Variants in FSTL4 observed in about 807,000 individuals in gnomAD.
FSTL4 encodes the protein follistatin-related protein 4.
FSTL4 carries 28 observed loss-of-function variants against 78.2 expected under a neutral mutation model. The ratio of observed to expected loss-of-function variants is 0.36; its 90% CI spans 0.27 to 0.49. The LOEUF (loss-of-function observed/expected upper bound fraction) is 0.49. Among genes scored for constraint, FSTL4 ranks in the 20% least tolerant of loss-of-function variants. The pLI is 0.98. For missense variants in FSTL4, 922 were observed against 1,084.9 expected (o/e 0.85, Z 2.11); for synonymous variants, 422 against 440.5 (o/e 0.96, Z 0.53).
At chr5:133,322,299 ACACACC>A (rs1283864775) in intron 4 of FSTL4, among the ~76,000 whole-genome samples, 1 of 42,480 alleles carries the variant, frequency 2.4e-5, no homozygotes, top group Non-Finnish European at 7.1e-5. Flanking sequence ...ACACCCCCAC[ACACACC>A]CACACCCACA....
At chr5:133,413,798 A>G (rs11740920) in intron 3 of FSTL4, among the ~76,000 whole-genome samples, 27,415 of 151,994 alleles carry the variant, frequency 0.18, 2,519 homozygotes, top group Non-Finnish European at 0.21. Context: ...TTAACTCTTC[A>G]GCTATTTCTA....
At chr5:133,614,224 A>G (rs1291541282), upstream of FSTL4, among the ~76,000 whole-genome samples, 2 of 152,212 alleles carry the variant, frequency 1.3e-5, no homozygotes, top group Admixed American at 1.3e-4. Flanking sequence ...TGGCCTTATT[A>G]CATAATCAAA....
the FSTL4 span, among the ~76,000 whole-genome samples, chr5:133,804,779 C>T: frequency 6.6e-6 from 1 of 151,934 alleles, no homozygotes. Context: ...CCCATCTCTA[C>T]TAAAAATACA....
intron 4 of FSTL4, among the ~76,000 whole-genome samples, chr5:133,378,239 G>A (rs1263620155): frequency 6.6e-6 from 1 of 152,122 alleles, no homozygotes; most frequent in Admixed American, 6.5e-5. Context: ...ATAGCAGACA[G>A]TATAAATATA....
the FSTL4 span, among the ~76,000 whole-genome samples, chr5:133,784,419 C>T: frequency 4.3e-4 from 65 of 152,320 alleles, no homozygotes; most frequent in African/African-American, 1.5e-3. Flanking sequence ...ACACATGTCA[C>T]CATCCTGGGG....
the FSTL4 span, among the ~76,000 whole-genome samples, chr5:133,682,175 G>A: frequency 6.6e-6 from 1 of 152,332 alleles, no homozygotes; most frequent in Admixed American, 6.5e-5. Flanking sequence ...AAATGCAGCA[G>A]CTCAGACCCT....
intron 3 of FSTL4, among the ~76,000 whole-genome samples, chr5:133,565,739 C>T (rs149196964): frequency 1.3e-5 from 2 of 152,306 alleles, no homozygotes; most frequent in East Asian, 3.9e-4. Context: ...AAATACATGG[C>T]TCTTTTATAA....
chr5:133,779,992 G>A, the FSTL4 span, among the ~76,000 whole-genome samples: 6 of 152,202 alleles, frequency 3.9e-5, no homozygotes, highest in East Asian at 1.9e-4. Context: ...TACAGAGGGC[G>A]TCTGTGACCC....
At chr5:133,418,080 A>G (rs1488748954) in intron 3 of FSTL4, among the ~76,000 whole-genome samples, 1 of 151,662 alleles carries the variant, frequency 6.6e-6, no homozygotes, top group African/African-American at 2.4e-5. Flanking sequence ...AGAGTGTACC[A>G]AAAGGAAGCA....
the FSTL4 span, among the ~76,000 whole-genome samples, chr5:133,767,347 C>T: frequency 6.6e-6 from 1 of 152,254 alleles, no homozygotes; most frequent in South Asian, 2.1e-4. Flanking sequence ...CACAGCTATG[C>T]CAGAGAGCCC....
intron 3 of FSTL4, among the ~76,000 whole-genome samples, chr5:133,511,408 C>T (rs1758728123): frequency 6.6e-6 from 1 of 152,154 alleles, no homozygotes; most frequent in Non-Finnish European, 1.5e-5. Context: ...AACCACGATC[C>T]TTACCATACC....
At chr5:133,810,248 G>T in the FSTL4 span, among the ~76,000 whole-genome samples, 5 of 152,190 alleles carry the variant, frequency 3.3e-5, no homozygotes, top group Non-Finnish European at 7.3e-5. Flanking sequence ...ACACCTGGGG[G>T]CTGGCCCAGA....
At chr5:133,657,273 G>T in the FSTL4 span, among the ~76,000 whole-genome samples, 2 of 152,304 alleles carry the variant, frequency 1.3e-5, no homozygotes, top group African/African-American at 4.8e-5. Context: ...CACATAGTTT[G>T]CAAGAAGGAT....
the FSTL4 span, among the ~76,000 whole-genome samples, chr5:133,665,614 G>C: frequency 2.0e-5 from 3 of 152,190 alleles, no homozygotes; most frequent in Non-Finnish European, 4.4e-5. Flanking sequence ...TTGTTCAGGT[G>C]TGTATGCTGG....
At chr5:133,772,250 C>T in the FSTL4 span, among the ~76,000 whole-genome samples, 1 of 152,130 alleles carries the variant, frequency 6.6e-6, no homozygotes, top group African/African-American at 2.4e-5. Context: ...TCATAGATGC[C>T]ATATGTTATT....
At chr5:133,226,602 G>T (rs542580917) in intron 8 of FSTL4, among the ~76,000 whole-genome samples, 1 of 152,172 alleles carries the variant, frequency 6.6e-6, no homozygotes, top group Non-Finnish European at 1.5e-5. Context: ...GGAATTGAGG[G>T]TTCTTCCTTA....
chr5:133,598,279 G>A (rs1159201495), intron 2 of FSTL4, among the ~76,000 whole-genome samples: 1 of 152,028 alleles, frequency 6.6e-6, no homozygotes, highest in African/African-American at 2.4e-5. Flanking sequence ...TGTCCCCCAG[G>A]ATCTGAAGTA....
chr5:133,335,106 C>G (rs1392198076), intron 4 of FSTL4, among the ~76,000 whole-genome samples: 2 of 152,212 alleles, frequency 1.3e-5, no homozygotes, highest in Non-Finnish European at 2.9e-5. Context: ...GACACGGCAC[C>G]ACCTCCTCAT....
chr5:133,767,515 T>C, the FSTL4 span, among the ~76,000 whole-genome samples: 1 of 151,892 alleles, frequency 6.6e-6, no homozygotes, highest in East Asian at 1.9e-4. Flanking sequence ...TGCTAGGGAG[T>C]TTGCTGGTCT....
Sources: gnomAD v4.1 joint callset for allele counts (sites outside exome capture counted in the v4.1 genomes callset) on GRCh38, gnomAD v4.1.1 for gene constraint, MANE v1.5 for transcripts, NCBI Gene and HGNC (gene_info 2026-07-23, HGNC 2026-07-21) for gene names.